OSBPL5: variants seen among roughly 807,000 people sequenced by gnomAD.
OSBPL5 encodes oxysterol binding protein like 5, also known as oxysterol-binding protein-related protein 5.
A neutral mutation model predicts 111.2 loss-of-function variants in OSBPL5; 71 were observed. That is an observed-to-expected ratio of 0.64 (90% CI 0.53 to 0.78). The LOEUF (loss-of-function observed/expected upper bound fraction) is 0.78, where lower values mean the gene tolerates loss of function less well. Ranked by LOEUF, OSBPL5 falls within the 30% of genes least tolerant of loss-of-function variation. The pLI, the probability that OSBPL5 is intolerant of heterozygous loss-of-function variation, is 0.00. For missense variants in OSBPL5, 1,210 were observed against 1,189.3 expected (o/e 1.02, Z -0.26); for synonymous variants, 549 against 513.9 (o/e 1.07, Z -0.93).
intron 1 of OSBPL5, among the ~76,000 whole-genome samples, chr11:3,147,818 G>T (rs1011047076): frequency 6.6e-6 from 1 of 152,202 alleles, no homozygotes; most frequent in African/African-American, 2.4e-5. Flanking sequence ...AACAGGACCA[G>T]CCTCGGCAAG....
At chr11:3,147,733 C>T (rs1340099062) in intron 1 of OSBPL5, among the ~76,000 whole-genome samples, 2 of 152,292 alleles carry the variant, frequency 1.3e-5, no homozygotes, top group East Asian at 3.9e-4. Context: ...TCCAGGGACG[C>T]GTGGGTGCGT....
At chr11:3,127,607 C>A (rs115843184) in intron 2 of OSBPL5, among the ~76,000 whole-genome samples, 308 of 152,266 alleles carry the variant, frequency 2.0e-3, no homozygotes, top group African/African-American at 7.2e-3. Context: ...GCCCCTGACC[C>A]GGAGTGCTGG....
chr11:3,151,930 T>C (rs1476534200), intron 1 of OSBPL5, among the ~76,000 whole-genome samples: 1 of 152,274 alleles, frequency 6.6e-6, no homozygotes, highest in Non-Finnish European at 1.5e-5. Context: ...AATTGGCCAC[T>C]GAAGGCCCCC....
At chr11:3,148,344 CT>C (rs1846439207) in intron 1 of OSBPL5, among the ~76,000 whole-genome samples, 1 of 152,266 alleles carries the variant, frequency 6.6e-6, no homozygotes, top group Non-Finnish European at 1.5e-5. Context: ...GCCCCCACCC[CT>C]GACCTGGGGA....
chr11:3,113,294 C>G lies in OSBPL5; in HGVS notation c.692-5349G>C, dbSNP rs1270820935. Among the ~76,000 whole-genome samples the G allele has an allele frequency of 2.0e-5, 3 of 152,060 alleles. No homozygotes were observed. The highest frequency in any genetic ancestry group is 2.9e-5 in the Non-Finnish European group (2 of 68,026). On this transcript the variant is annotated intron_variant, in intron 7 of 21. Coordinates refer to ENST00000263650, the MANE Select transcript of OSBPL5 (RefSeq NM_020896.4). This position sits in a 1 kb window ranked among gnomAD's most constrained non-coding sequence, Gnocchi z 4.8. ...TTAATCAAGCAATTTCATACTTATC[C>G]CTGCCAAATACCATGAGGTGTCAAA...
At chr11:3,134,867 C>G (rs928774423) in intron 1 of OSBPL5, among the ~76,000 whole-genome samples, 1 of 152,118 alleles carries the variant, frequency 6.6e-6, no homozygotes, top group Non-Finnish European at 1.5e-5. Context: ...GTGTGGGTGC[C>G]GGGTGCAGGC....
At chr11:3,103,893 T>TGTGCCGCCCCCTTCCA (rs1857602124) in intron 10 of OSBPL5, among the ~76,000 whole-genome samples, 4 of 110,740 alleles carry the variant, frequency 3.6e-5, no homozygotes, top group Admixed American at 2.6e-4. Flanking sequence ...GCCCCATTCC[T>TGTGCCGCCCCCTTCCA]GCCTCTGCAG....
chr11:3,101,846 G>T, intron 12 of OSBPL5, 147 bp from the exon 13 acceptor site: 3 of 720,386 alleles, frequency 4.2e-6, no homozygotes, highest in Non-Finnish European at 6.9e-6. Flanking sequence ...GGCCTTCCTG[G>T]CTCTCGCTTA....
At chr11:3,157,047 C>A (rs1010568594) in intron 1 of OSBPL5, among the ~76,000 whole-genome samples, 8 of 152,244 alleles carry the variant, frequency 5.3e-5, no homozygotes, top group Non-Finnish European at 1.2e-4. Context: ...GCTCCCAGTT[C>A]GCACAGGTCA....
chr11:3,135,756 C>T (rs1414748186), intron 1 of OSBPL5, among the ~76,000 whole-genome samples: 2 of 152,222 alleles, frequency 1.3e-5, no homozygotes, highest in African/African-American at 2.4e-5. Context: ...GTCCCACCCA[C>T]ACCCAGAGCC....
chr11:3,117,102 G>C (rs149210330), intron 7 of OSBPL5, among the ~76,000 whole-genome samples: 2,604 of 152,334 alleles, frequency 0.017, 90 homozygotes, highest in African/African-American at 0.06. Context: ...CATAAGTGCA[G>C]TAAGAATCTG....
chr11:3,164,803 G>C (rs1847063613), intron 1 of OSBPL5, among the ~76,000 whole-genome samples: 1 of 152,154 alleles, frequency 6.6e-6, no homozygotes, highest in African/African-American at 2.4e-5. Flanking sequence ...CGGCCGAGCT[G>C]GGGGGACAGA....
intron 1 of OSBPL5, among the ~76,000 whole-genome samples, chr11:3,143,170 G>A (rs1164945260): frequency 2.8e-4 from 31 of 112,012 alleles, no homozygotes; most frequent in Non-Finnish European, 1.8e-5. Flanking sequence ...CCGGGCAGAG[G>A]AGGCAGGTGC....
In OSBPL5 at chr11:3,107,995, C is replaced by A; in HGVS notation, c.692-50G>T. 6.3e-7 allele frequency: 1 copy of A among 1,578,798 alleles called. No homozygotes were observed. The highest frequency in any genetic ancestry group is 8.5e-7 in the Non-Finnish European group (1 of 1,169,636). ...GCCCCACCCCCACCTCTGTATATCC[C>A]GCATCCCCCAAGGGGCCACCAGGAG... On this transcript the variant is annotated intron_variant, in intron 7 of 21. Transcript: ENST00000263650. This position sits in a 1 kb window ranked among gnomAD's most constrained non-coding sequence, Gnocchi z 6.1.
At chr11:3,163,780 C>T (rs1347055126) in intron 1 of OSBPL5, among the ~76,000 whole-genome samples, 2 of 152,202 alleles carry the variant, frequency 1.3e-5, no homozygotes, top group Admixed American at 6.5e-5. Flanking sequence ...CAGACACACG[C>T]GGTGCCTGCC....
At chr11:3,112,057 A>G (rs1329046638) in intron 7 of OSBPL5, among the ~76,000 whole-genome samples, 59 of 118,238 alleles carry the variant, frequency 5.0e-4, no homozygotes, top group South Asian at 9.0e-4. Context: ...ATGTGTGTGC[A>G]TGTGTATGTG....
In OSBPL5 at chr11:3,142,622, TG is replaced by T. The variant is rs1391534767; in HGVS notation, c.-21-13454del. On this transcript the variant is annotated intron_variant, in intron 1 of 21. Coordinates refer to ENST00000263650, the MANE Select transcript of OSBPL5 (RefSeq NM_020896.4). The surrounding 1 kb of genome is among the most constrained non-coding windows in gnomAD (Gnocchi z 7.1). Reference sequence around the variant, plus strand: ...GTCACCGTCTCGCGGGTGGAGAGCCTGGGTGGTGCGTTTATCAACAGGACCG... The same window carrying T: ...GTCACCGTCTCGCGGGTGGAGAGCCTGGTGGTGCGTTTATCAACAGGACCG... Among the ~76,000 whole-genome samples, 1 of 151,970 alleles carries T rather than the reference TG, an allele frequency of 6.6e-6. No homozygotes were observed. Among genetic ancestry groups the T allele is most frequent in the East Asian group, 1.9e-4 (1 of 5,162 alleles).
chr11:3,114,304 G>A lies in OSBPL5; in HGVS notation c.691+5243C>T, dbSNP rs180819151. ...AAAAGTGTTTTTTGGTGGAGAGTAAGAAAGCTTAAAGAGAAATAATTTCAT... is the reference window on the plus strand; with the variant it reads ...AAAAGTGTTTTTTGGTGGAGAGTAAAAAAGCTTAAAGAGAAATAATTTCAT... On this transcript the variant is annotated intron_variant, in intron 7 of 21. Transcript: ENST00000263650. Among the ~76,000 whole-genome samples the A allele has an allele frequency of 2.6e-5, 4 of 152,214 alleles. No individual in the cohort carries two copies. In the East Asian group the frequency reaches 7.7e-4, roughly 29 times the overall value.
At chr11:3,114,575 A>G (rs1353603349) in intron 7 of OSBPL5, among the ~76,000 whole-genome samples, 1 of 144,516 alleles carries the variant, frequency 6.9e-6, no homozygotes, top group African/African-American at 2.6e-5. Context: ...AGACTAAAGA[A>G]TTGGTTAGAA....
Sources: gnomAD v4.1 joint callset for allele counts (sites outside exome capture counted in the v4.1 genomes callset) on GRCh38, gnomAD v4.1.1 for gene constraint, Gnocchi (gnomAD v3.1) non-coding constraint, MANE v1.5 for transcripts, NCBI Gene and HGNC (gene_info 2026-07-23, HGNC 2026-07-21) for gene names.